The following TBC1D9 variants were observed in gnomAD, a reference collection of about 807,000 sequenced individuals.
TBC1D9 encodes TBC1 domain family member 9A.
TBC1D9 carries 63 observed loss-of-function variants against 132.0 expected under a neutral mutation model. The observed-to-expected ratio is 0.48, with a 90% CI of 0.39 to 0.59. The LOEUF (loss-of-function observed/expected upper bound fraction) is 0.59, where lower values mean the gene tolerates loss of function less well. Ranked by LOEUF, TBC1D9 falls within the 20% of genes least tolerant of loss-of-function variation. TBC1D9 has a pLI of 0.00. For synonymous variants in TBC1D9, 610 were observed against 609.9 expected (o/e 1.00, Z 0.00); for missense variants, 1,261 against 1,592.7 (o/e 0.79, Z 3.54).
chr4:140,664,741 T>C (rs1416493425), intron 9 of TBC1D9, among the ~76,000 whole-genome samples: 3 of 152,132 alleles, frequency 2.0e-5, no homozygotes, highest in Admixed American at 6.5e-5. Flanking sequence ...TTTCAACAAA[T>C]GGTGCTGGGA....
intron 1 of TBC1D9, among the ~76,000 whole-genome samples, chr4:140,704,845 G>A (rs1738126714): frequency 6.6e-6 from 1 of 152,160 alleles, no homozygotes; most frequent in Admixed American, 6.5e-5. Flanking sequence ...CCTGGAGTGA[G>A]GGTTTCTCAT....
At chr4:140,634,483 T>A (rs1736846358) in intron 15 of TBC1D9, among the ~76,000 whole-genome samples, 1 of 152,078 alleles carries the variant, frequency 6.6e-6, no homozygotes, top group Admixed American at 6.6e-5. Flanking sequence ...CTCTTCCCCC[T>A]TACCTACACA....
chr4:140,708,410 G>T (rs1738179811), intron 1 of TBC1D9, among the ~76,000 whole-genome samples: 1 of 152,108 alleles, frequency 6.6e-6, no homozygotes, highest in Admixed American at 6.6e-5. Flanking sequence ...AATTTATCTG[G>T]AATTAAGTTA....
At position 140,634,012 on chromosome 4, in the gene TBC1D9, C is replaced by T; in HGVS notation, c.2682G>A (p.Leu894=). Residue 894 remains leucine (L), a synonymous_variant, in exon 16 of 21, where the codon TTG becomes TTA. Coordinates refer to ENST00000442267, the MANE Select transcript of TBC1D9 (RefSeq NM_015130.3). ...GTHSDVLASR[L]FQLLDENGDS... ...CTCCATTTTCATCTAATAACTGGAACAAGCGGGAGGCCAGAACGTCAGAGT... is the reference window on the plus strand; with the variant it reads ...CTCCATTTTCATCTAATAACTGGAATAAGCGGGAGGCCAGAACGTCAGAGT... 6.2e-7 allele frequency: 1 copy of T among 1,613,984 alleles called. No homozygotes were observed. Among genetic ancestry groups the T allele is most frequent in the East Asian group, 2.2e-5 (1 of 44,882 alleles).
At position 140,642,474 on chromosome 4, in the gene TBC1D9, A is replaced by G. The variant is rs551951458; in HGVS notation, c.2338-3046T>C. The G allele has an allele frequency of 4.2e-5, 41 of 981,086 alleles. 1 individual carries two copies. In the South Asian group the frequency reaches 4.8e-4, roughly 12 times the overall value. 60.8% of individuals were successfully genotyped at this position (981,086 alleles called of 1,614,324 possible). On this transcript the variant is annotated intron_variant, in intron 13 of 20. Transcript: ENST00000442267. ...TTAAGTACTTGCTGCAGCCCCTGCC[A>G]GTTTTTGATTTCCCCCCAGCACTGT...
chr4:140,669,655 G>A lies in TBC1D9; in HGVS notation c.1416C>T (p.Pro472=), dbSNP rs1436355505. The change falls in exon 8 of 21, where the codon CCC becomes CCT. Residue 472 remains proline (P), a synonymous_variant. Coordinates refer to ENST00000442267, the MANE Select transcript of TBC1D9 (RefSeq NM_015130.3). ...TLMTMYRRRS[P]EEFNPKLAKE... is the part of the protein sequence containing the mutation. The stretch of plus-strand genomic sequence containing the variant: ...CCACCAATTTCGGGTTGAACTCCTC[G>A]GGAGACCGCCGCCGATACATGGTCA... 5.6e-6 allele frequency: 9 copies of A among 1,612,110 alleles called. No homozygotes were observed. Among genetic ancestry groups the A allele is most frequent in the African/African-American group, 2.7e-5 (2 of 74,908 alleles).
At chr4:140,674,676 A>T (rs114899769) in intron 6 of TBC1D9, among the ~76,000 whole-genome samples, 48 of 142,026 alleles carry the variant, frequency 3.4e-4, no homozygotes, top group African/African-American at 1.3e-3. Context: ...ATTGTAGAAG[A>T]ATATATATAT....
intron 9 of TBC1D9, among the ~76,000 whole-genome samples, chr4:140,665,289 T>C (rs1378434487): frequency 6.6e-6 from 1 of 152,064 alleles, no homozygotes; most frequent in Non-Finnish European, 1.5e-5. Context: ...AAGGATACCA[T>C]CAAAGACAGT....
At position 140,756,218 on chromosome 4, in the gene TBC1D9, A is replaced by G; in HGVS notation, c.-173T>C. The G allele has an allele frequency of 2.6e-6, 1 of 381,982 alleles. No individual in the cohort carries two copies. Among genetic ancestry groups the G allele is most frequent in the Non-Finnish European group, 4.5e-6 (1 of 222,736 alleles). The allele number at this position is 381,982 out of a possible 1,614,324, so 23.7% of individuals were successfully genotyped here. A position where few individuals can be genotyped will look rare whatever the true frequency, so the allele number is the denominator to read the frequency against. ...GGTGGCCCGCGGCGTCCGGGCCACA[A>G]CAAAGCCCCAGCAGGCGGCCCGGGA... On this transcript the variant is annotated 5_prime_UTR_variant, in exon 1 of 21. Transcript: ENST00000442267. The surrounding 1 kb of genome is among the most constrained non-coding windows in gnomAD (Gnocchi z 5.6).
chr4:140,641,656 G>A (rs115732077), intron 13 of TBC1D9, among the ~76,000 whole-genome samples: 5,372 of 152,090 alleles, frequency 0.035, 334 homozygotes, highest in African/African-American at 0.12. Flanking sequence ...GGAGGAGGGC[G>A]GAGAGGAAGG....
chr4:140,644,893 A>G (rs1737077685), intron 13 of TBC1D9: 8 of 438,606 alleles, frequency 1.8e-5, no homozygotes, highest in South Asian at 7.2e-5. Flanking sequence ...GTAGGGCGAC[A>G]GCAGGGAGCC....
chr4:140,685,750 C>T lies in TBC1D9; in HGVS notation c.360+594G>A, dbSNP rs764723189. ...AGTGTTGTTATTTAATAGAATATCCCGCATGTTCTCATTCACATGTGGGAG... is the reference window on the plus strand; with the variant it reads ...AGTGTTGTTATTTAATAGAATATCCTGCATGTTCTCATTCACATGTGGGAG... On this transcript the variant is annotated intron_variant, in intron 3 of 20. Coordinates refer to ENST00000442267, the MANE Select transcript of TBC1D9 (RefSeq NM_015130.3). Among the ~76,000 whole-genome samples, 6 of 152,144 alleles carry T rather than the reference C, an allele frequency of 3.9e-5. No homozygotes were observed. In the East Asian group the frequency reaches 5.8e-4, roughly 15 times the overall value.
At chr4:140,724,715 G>A (rs892430994) in intron 1 of TBC1D9, among the ~76,000 whole-genome samples, 23 of 150,036 alleles carry the variant, frequency 1.5e-4, no homozygotes, top group Admixed American at 5.3e-4. Context: ...TCCTAAATTG[G>A]TCAATAAGAA....
chr4:140,654,324 G>A (rs1737232621), intron 13 of TBC1D9, among the ~76,000 whole-genome samples: 1 of 152,180 alleles, frequency 6.6e-6, no homozygotes, highest in Admixed American at 6.5e-5. Flanking sequence ...AGAGAGAAAG[G>A]GGAAGGGGGT....
chr4:140,754,266 T>C (rs1375430347), intron 1 of TBC1D9, among the ~76,000 whole-genome samples: 1 of 152,122 alleles, frequency 6.6e-6, no homozygotes, highest in African/African-American at 2.4e-5. Flanking sequence ...CAGAAGGAAA[T>C]GTTCTCTTTT....
intron 1 of TBC1D9, among the ~76,000 whole-genome samples, chr4:140,736,310 G>T (rs546312392): frequency 1.3e-5 from 2 of 152,114 alleles, no homozygotes; most frequent in Non-Finnish European, 2.9e-5. Flanking sequence ...GGAGGCCAAG[G>T]TGGGTGGATC....
chr4:140,738,240 C>T (rs796657760), intron 1 of TBC1D9, among the ~76,000 whole-genome samples: 50 of 152,162 alleles, frequency 3.3e-4, no homozygotes, highest in African/African-American at 1.1e-3. Flanking sequence ...GCTTGGGAAC[C>T]GAGTTATGCA....
At chr4:140,662,190 C>T (rs1045593004) in intron 9 of TBC1D9, 83 bp from the exon 10 acceptor site, 4 of 1,073,162 alleles carry the variant, frequency 3.7e-6, no homozygotes, top group African/African-American at 3.1e-5. Context: ...GATTGAACTG[C>T]TTTACTTTCC....
intron 1 of TBC1D9, among the ~76,000 whole-genome samples, chr4:140,723,846 A>C (rs1738459503): frequency 6.6e-6 from 1 of 151,898 alleles, no homozygotes; most frequent in Non-Finnish European, 1.5e-5. Flanking sequence ...TCCTGGGTTC[A>C]AATGTTCCAC....
Sources: gnomAD v4.1 joint callset for allele counts (sites outside exome capture counted in the v4.1 genomes callset) on GRCh38, gnomAD v4.1.1 for gene constraint, Gnocchi (gnomAD v3.1) non-coding constraint, MANE v1.5 for transcripts, NCBI Gene and HGNC (gene_info 2026-07-23, HGNC 2026-07-21) for gene names.